Variants in UBAP2 observed in about 807,000 individuals in gnomAD.
The protein encoded by UBAP2 is ubiquitin-associated protein 2.
Under a neutral mutation model 139.6 loss-of-function variants are expected in UBAP2, and 75 were observed. The observed-to-expected ratio is 0.54, with a 90% CI of 0.45 to 0.65. The LOEUF (loss-of-function observed/expected upper bound fraction) is 0.65. Ranked by LOEUF, UBAP2 falls within the 30% of genes least tolerant of loss-of-function variation. UBAP2 has a pLI of 0.00. For missense variants in UBAP2, 1,368 were observed against 1,369.6 expected, an observed-to-expected ratio of 1.00 and a Z score of 0.02; for synonymous variants, 526 against 526.2, an observed-to-expected ratio of 1.00 and a Z score of 0.01.
chr9:33,941,413 A>G (rs911070723), intron 16 of UBAP2, among the ~76,000 whole-genome samples: 1 of 152,196 alleles, frequency 6.6e-6, no homozygotes, highest in African/African-American at 2.4e-5. Context: ...TGCTCATACT[A>G]CACGCATGCT....
intron 16 of UBAP2, 112 bp from the exon 17 acceptor site, chr9:33,935,990 T>C (rs1824478249): frequency 9.7e-7 from 1 of 1,034,208 alleles, no homozygotes; most frequent in East Asian, 2.7e-5. Context: ...ATTATCTCTT[T>C]TATTCTATTT....
At chr9:34,023,084 G>A (rs1825099948) in intron 1 of UBAP2, among the ~76,000 whole-genome samples, 1 of 152,060 alleles carries the variant, frequency 6.6e-6, no homozygotes, top group Admixed American at 6.6e-5. Flanking sequence ...AAATTAGCCA[G>A]GCATGGTGGC....
At chr9:33,961,019 T>C in intron 9 of UBAP2, 141 bp from the exon 10 acceptor site, 3 of 728,460 alleles carry the variant, frequency 4.1e-6, no homozygotes, top group South Asian at 1.6e-5. Context: ...CCAAGAAACA[T>C]GACGTTCTTA....
intron 2 of UBAP2, among the ~76,000 whole-genome samples, chr9:34,014,127 C>A (rs1356490972): frequency 6.6e-6 from 1 of 151,656 alleles, no homozygotes; most frequent in Non-Finnish European, 1.5e-5. Context: ...GAGTTTGAGA[C>A]CAGCCTGGCC....
intron 18 of UBAP2, among the ~76,000 whole-genome samples, chr9:33,933,155 C>T (rs1054281297): frequency 6.6e-6 from 1 of 152,160 alleles, no homozygotes; most frequent in Non-Finnish European, 1.5e-5. Context: ...ATTCTCATTC[C>T]ACCTCAGTGA....
intron 1 of UBAP2, among the ~76,000 whole-genome samples, chr9:34,031,499 G>A (rs367558768): frequency 8.6e-5 from 13 of 152,028 alleles, no homozygotes; most frequent in African/African-American, 3.1e-4. Context: ...GTAGAGACAG[G>A]TTTCGACATG....
At position 33,963,750 on chromosome 9, in the gene UBAP2, T is replaced by C; in HGVS notation, c.721A>G (p.Asn241Asp). Reference protein sequence around the residue: ...NTHNIAQDLSNKSSYGLKGAW... With the variant: ...NTHNIAQDLSDKSSYGLKGAW... ...CCTTTGAGTCCATAAGAACTTTTGT[T>C]TGACAGATCCTGAGCTATGTTGTGA... Residue 241 changes from asparagine to aspartate, a missense_variant, in exon 9 of 29, where the codon AAC becomes GAC. By Grantham distance (23) the Asn-to-Asp change is conservative. Coordinates refer to ENST00000379238, the MANE Select transcript of UBAP2 (RefSeq NM_001370062.2). 1 of 1,612,252 alleles carries C rather than the reference T, an allele frequency of 6.2e-7. No homozygotes were observed. The highest frequency in any genetic ancestry group is 8.5e-7 in the Non-Finnish European group (1 of 1,178,608).
intron 4 of UBAP2, among the ~76,000 whole-genome samples, chr9:33,992,589 C>G (rs1821807251): frequency 8.8e-6 from 1 of 113,616 alleles, no homozygotes; most frequent in African/African-American, 3.0e-5. Context: ...AAAAGATACC[C>G]TCCCCATCCT....
At chr9:33,979,639 T>C (rs566941603) in intron 6 of UBAP2, among the ~76,000 whole-genome samples, 1 of 152,058 alleles carries the variant, frequency 6.6e-6, no homozygotes, top group East Asian at 1.9e-4. Context: ...TCCCAGCACT[T>C]TGGGAGGCCG....
chr9:33,998,875 C>T lies in UBAP2; in HGVS notation c.100-11G>A. On this transcript the variant is annotated splice_polypyrimidine_tract_variant and intron_variant, in intron 2 of 28. Transcript: ENST00000379238. ...CTGTTCAGCTGTTGCCTGGAAAGTA[C>T]ATACAATTGTTAAGGATTTGAACAC... 3 of 1,606,838 alleles carry T rather than the reference C, an allele frequency of 1.9e-6. No homozygotes were observed. The highest frequency in any genetic ancestry group is 1.7e-4 in the Middle Eastern group (1 of 6,060).
At chr9:33,980,378 G>A (rs1820551930) in intron 6 of UBAP2, among the ~76,000 whole-genome samples, 2 of 148,652 alleles carry the variant, frequency 1.3e-5, no homozygotes, top group African/African-American at 2.5e-5. Flanking sequence ...GACTACAGGC[G>A]CCCGCCACCA....
intron 2 of UBAP2, among the ~76,000 whole-genome samples, chr9:33,999,878 GTATGTATGTATGTATGTATGTATGTATGT>G (rs1222864919): frequency 2.7e-5 from 2 of 72,870 alleles, no homozygotes; most frequent in Non-Finnish European, 6.6e-5. Flanking sequence ...ATGTATGTAT[GTATGTATGTATGTATGTATGTATGTATGT>G]TATTTTGAGA....
At chr9:34,020,273 C>T (rs896913118) in intron 1 of UBAP2, among the ~76,000 whole-genome samples, 5 of 151,858 alleles carry the variant, frequency 3.3e-5, no homozygotes, top group East Asian at 1.9e-4. Flanking sequence ...AGGTCTTCAG[C>T]GCAATAACAC....
chr9:33,970,679 G>A (rs1287343257), intron 8 of UBAP2, among the ~76,000 whole-genome samples: 2 of 152,076 alleles, frequency 1.3e-5, no homozygotes, highest in African/African-American at 4.8e-5. Context: ...TGATCCTCCC[G>A]CCTTGGCCAC....
chr9:34,025,416 G>A (rs542387594), intron 1 of UBAP2, among the ~76,000 whole-genome samples: 1 of 152,264 alleles, frequency 6.6e-6, no homozygotes, highest in South Asian at 2.1e-4. Context: ...TCAAGTTCTT[G>A]AGGGGCAGGA....
chr9:33,966,725 C>T lies in UBAP2; in HGVS notation c.680-2934G>A, dbSNP rs187156760. Among the ~76,000 whole-genome samples, 687 of 151,866 alleles carry T rather than the reference C, an allele frequency of 4.5e-3. 3 individuals carry two copies. The highest frequency in any genetic ancestry group is 7.8e-3 in the Non-Finnish European group (531 of 67,918). On this transcript the variant is annotated intron_variant, in intron 8 of 28. Transcript: ENST00000379238. ...TTTTTTGGTACTACTAAAAAAAGTA[C>T]TGTTTTTCTTATTCTTTGTTTGCAA...
intron 8 of UBAP2, chr9:33,968,609 T>C (rs545623485): frequency 3.4e-6 from 1 of 291,004 alleles, no homozygotes; most frequent in East Asian, 7.5e-5. Flanking sequence ...ATTGAACACT[T>C]TTCCTTACTG....
At chr9:33,987,111 C>T (rs1052401827) in intron 5 of UBAP2, among the ~76,000 whole-genome samples, 3 of 151,530 alleles carry the variant, frequency 2.0e-5, no homozygotes, top group Non-Finnish European at 4.4e-5. Context: ...GGGCAACATA[C>T]AAAAAAATAC....
In UBAP2 at chr9:34,031,797, A is replaced by C. The variant is rs1825914059; in HGVS notation, c.-41-14608T>G. 2.0e-5 allele frequency among the ~76,000 whole-genome samples: 3 copies of C among 151,970 alleles called. No individual in the cohort carries two copies. The South Asian group carries it at 6.2e-4, about 32-fold the overall frequency. On this transcript the variant is annotated intron_variant, in intron 1 of 28. Transcript: ENST00000379238. The stretch of plus-strand genomic sequence containing the variant: ...AAGACCCTGTCCCAAACCAAAAAAA[A>C]AAAAAAGAAAGAAAAAAAGAGGATC...
Sources: allele counts gnomAD v4.1 joint callset (sites outside exome capture counted in the v4.1 genomes callset), GRCh38; gene constraint gnomAD v4.1.1; transcripts MANE v1.5; gene names NCBI Gene and HGNC (gene_info 2026-07-23, HGNC 2026-07-21).